NEBL: variants seen among roughly 807,000 people sequenced by gnomAD.
NEBL encodes the protein nebulette, also known as LIM and SH3 protein 2.
Under a neutral mutation model 140.2 loss-of-function variants are expected in NEBL, and 122 were observed. The ratio of observed to expected loss-of-function variants is 0.87; its 90% CI spans 0.75 to 1.01. NEBL has a LOEUF of 1.01. Ranked by LOEUF, NEBL falls within the 50% of genes least tolerant of loss-of-function variation. The pLI, the probability that NEBL is intolerant of heterozygous loss-of-function variation, is 0.00. For missense variants in NEBL, 1,365 were observed against 1,231.3 expected, an observed-to-expected ratio of 1.11 and a Z score of -1.62; for synonymous variants, 436 against 398.9, an observed-to-expected ratio of 1.09 and a Z score of -1.11.
At chr10:21,289,741 T>C (rs904619297) in intron 1 of NEBL, among the ~76,000 whole-genome samples, 3 of 152,202 alleles carry the variant, frequency 2.0e-5, no homozygotes, top group Non-Finnish European at 4.4e-5. Flanking sequence ...AATTATGCAG[T>C]TCACTGAAAA....
At position 20,925,661 on chromosome 10, in the gene NEBL, T is replaced by C. The variant is rs368319806; in HGVS notation, c.357+36011A>G. Among the ~76,000 whole-genome samples, 7 of 151,940 alleles carry C rather than the reference T, an allele frequency of 4.6e-5. No individual in the cohort carries two copies. In the East Asian group the frequency reaches 1.2e-3, roughly 25 times the overall value. On this transcript the variant is annotated intron_variant, in intron 4 of 6. Coordinates refer to the NEBL transcript ENST00000417816. ...TCCTTAACCCACACATTTAGAAAGA[T>C]GTTTGTTAACTAAGTTGAACTCATT... is the stretch of plus-strand genomic sequence containing the variant.
intron 3 of NEBL, among the ~76,000 whole-genome samples, chr10:21,203,208 GACTAA>G (rs1217228922): frequency 6.6e-6 from 1 of 152,096 alleles, no homozygotes; most frequent in Non-Finnish European, 1.5e-5. Flanking sequence ...AGAAGAACAC[GACTAA>G]GCTGTTCCCT....
chr10:20,804,865 C>A (rs1837461666), intron 26 of NEBL, among the ~76,000 whole-genome samples: 1 of 152,012 alleles, frequency 6.6e-6, no homozygotes, highest in Non-Finnish European at 1.5e-5. Flanking sequence ...CATGATGTCA[C>A]CAGGGTTTCA....
intron 2 of NEBL, chr10:21,029,178 C>T: frequency 1.5e-6 from 2 of 1,361,160 alleles, no homozygotes; most frequent in East Asian, 2.3e-5. Context: ...GTAATGATAA[C>T]AATGTGTATA....
chr10:20,875,269 A>G (rs1038746287), intron 5 of NEBL, among the ~76,000 whole-genome samples: 2 of 152,120 alleles, frequency 1.3e-5, no homozygotes, highest in Non-Finnish European at 2.9e-5. Flanking sequence ...GCTCGTGCAG[A>G]GCATCCAAGG....
chr10:20,958,077 T>C lies in NEBL; in HGVS notation c.357+3595A>G, dbSNP rs143087890. ...GCAGGTACCCTGAATGCATTGCTTG[T>C]AAACTTGAAGGTGGGAACCACCTGA... On this transcript the variant is annotated intron_variant, in intron 4 of 6. Transcript: ENST00000417816. Among the ~76,000 whole-genome samples the C allele has an allele frequency of 2.6e-5, 4 of 152,290 alleles. No homozygotes were observed. In the East Asian group the frequency reaches 7.7e-4, roughly 29 times the overall value.
intron 3 of NEBL, among the ~76,000 whole-genome samples, chr10:21,014,904 C>T (rs958724614): frequency 1.3e-5 from 2 of 152,126 alleles, no homozygotes; most frequent in African/African-American, 4.8e-5. Flanking sequence ...GTTTTCATGC[C>T]TCTGCAGAAA....
intron 2 of NEBL, among the ~76,000 whole-genome samples, chr10:21,062,894 G>A (rs1057414141): frequency 2.0e-5 from 3 of 151,980 alleles, no homozygotes; most frequent in East Asian, 1.9e-4. Context: ...GTCTACAGAC[G>A]AGTGTACCCA....
intron 2 of NEBL, among the ~76,000 whole-genome samples, chr10:21,032,863 A>G (rs1196361513): frequency 6.6e-6 from 1 of 152,196 alleles, no homozygotes; most frequent in Non-Finnish European, 1.5e-5. Flanking sequence ...GCAGGACTCA[A>G]TTGTAACTTC....
chr10:21,124,169 T>C (rs1838709296), intron 2 of NEBL, among the ~76,000 whole-genome samples: 1 of 152,148 alleles, frequency 6.6e-6, no homozygotes, highest in Non-Finnish European at 1.5e-5. Flanking sequence ...CATAACCCAA[T>C]CCTTCAGGGA....
chr10:20,867,624 G>C (rs1173619730), intron 7 of NEBL: 1 of 151,896 alleles, frequency 6.6e-6, no homozygotes, highest in Non-Finnish European at 1.5e-5. Context: ...AGAGTCTCCT[G>C]GATTTTCTTT....
In NEBL at chr10:20,814,029, C is replaced by T. The variant is rs1229200395; in HGVS notation, c.2256G>A (p.Gln752=). Residue 752 remains glutamine (Q), a synonymous_variant, in exon 23 of 28, where the codon CAG becomes CAA. Transcript: ENST00000377122. ...QENISSVKYT[Q]DHKQMKGRPS... ...GTCTACCTTTCATCTGTTTATGGTC[C>T]TGGGTATATTTTACCTGCAAAGTAA... 6.2e-7 allele frequency: 1 copy of T among 1,601,658 alleles called. No individual in the cohort carries two copies. The highest frequency in any genetic ancestry group is 8.6e-7 in the Non-Finnish European group (1 of 1,168,880).
intron 2 of NEBL, among the ~76,000 whole-genome samples, chr10:21,248,631 G>T (rs1422223411): frequency 6.6e-6 from 1 of 152,128 alleles, no homozygotes; most frequent in South Asian, 2.1e-4. Flanking sequence ...TGAACATGAG[G>T]TTATAAATAT....
chr10:20,814,053 A>G lies in NEBL; in HGVS notation c.2242-10T>C. ...CCTGGGTATATTTTACCTGCAAAGT[A>G]AATAGTAGGCATAAGACAATGATAA... On this transcript the variant is annotated splice_polypyrimidine_tract_variant and intron_variant, in intron 22 of 27. Coordinates refer to ENST00000377122, the MANE Select transcript of NEBL (RefSeq NM_006393.3). 9 of 1,490,976 alleles carry G rather than the reference A, an allele frequency of 6.0e-6. No individual in the cohort carries two copies. The highest frequency in any genetic ancestry group is 8.4e-6 in the Non-Finnish European group (9 of 1,068,040). 92.4% of individuals were successfully genotyped at this position (1,490,976 alleles called of 1,614,324 possible).
chr10:21,257,594 A>G (rs1014734261), intron 1 of NEBL, among the ~76,000 whole-genome samples: 12 of 152,212 alleles, frequency 7.9e-5, no homozygotes, highest in African/African-American at 2.9e-4. Flanking sequence ...GATGTAAAAA[A>G]CCACCAAAAC....
Position 21,152,632 on chromosome 10 carries a change from G to A in NEBL, c.164+19751C>T, listed in dbSNP as rs545476478. ...AAAAGCCAAAAAGAAACAGGAAGAGGACAAAATTTCATCCAAACTTCTAAC... is the reference window on the plus strand; with the variant it reads ...AAAAGCCAAAAAGAAACAGGAAGAGAACAAAATTTCATCCAAACTTCTAAC... On this transcript the variant is annotated intron_variant, in intron 2 of 6. Coordinates refer to the NEBL transcript ENST00000417816. Among the ~76,000 whole-genome samples the A allele has an allele frequency of 8.2e-4, 124 of 151,572 alleles. No individual in the cohort carries two copies. The South Asian group carries it at 0.014, about 17-fold the overall frequency.
intron 13 of NEBL, among the ~76,000 whole-genome samples, chr10:20,839,678 T>C (rs1841226304): frequency 6.6e-6 from 1 of 152,130 alleles, no homozygotes; most frequent in Non-Finnish European, 1.5e-5. Context: ...TTAAACTACC[T>C]CAACAAATGG....
At chr10:20,932,445 G>C (rs1420742862) in intron 4 of NEBL, among the ~76,000 whole-genome samples, 1 of 152,102 alleles carries the variant, frequency 6.6e-6, no homozygotes, top group Non-Finnish European at 1.5e-5. Context: ...AAAGGGGAGG[G>C]AGAGCATTAG....
intron 2 of NEBL, among the ~76,000 whole-genome samples, chr10:21,026,707 C>T (rs1203160867): frequency 1.3e-5 from 2 of 152,180 alleles, no homozygotes; most frequent in Non-Finnish European, 2.9e-5. Context: ...TCCTTATGGG[C>T]TTTATGTGAA....
Sources: allele counts gnomAD v4.1 joint callset (sites outside exome capture counted in the v4.1 genomes callset), GRCh38; gene constraint gnomAD v4.1.1; transcripts MANE v1.5; gene names NCBI Gene and HGNC (gene_info 2026-07-23, HGNC 2026-07-21).